The following RASGRP1 variants were observed in gnomAD, a reference collection of about 807,000 sequenced individuals.
RASGRP1 encodes RAS guanyl releasing protein 1, also known as RAS guanyl-releasing protein 1.
In RASGRP1, 37 loss-of-function variants were observed where a neutral mutation model predicts 95.1. That is an observed-to-expected ratio of 0.39 (90% CI 0.30 to 0.51). The LOEUF (loss-of-function observed/expected upper bound fraction) is 0.51, where lower values mean the gene tolerates loss of function less well. Among genes scored for constraint, RASGRP1 ranks in the 20% least tolerant of loss-of-function variants. The probability of loss-of-function intolerance (pLI) is 0.80; values close to 1 mark genes in which losing one functional copy is unlikely to be tolerated. For synonymous variants in RASGRP1, 325 were observed against 353.4 expected (o/e 0.92, Z 0.90); for missense variants, 711 against 965.4 (o/e 0.74, Z 3.49).
rs1890526587 is a variant in RASGRP1 at position 38,490,411 on chromosome 15, T to C, written c.*143A>G. On this transcript the variant is annotated 3_prime_UTR_variant, in exon 17 of 17. Transcript: ENST00000310803. ...ACAGTGCTGCACATTAGGAATCTTT[T>C]AGGTAAATAAACAGTAACAGGCTTT... is the stretch of plus-strand genomic sequence containing the variant. 1 of 814,386 alleles carries C rather than the reference T, an allele frequency of 1.2e-6. No homozygotes were observed. The highest frequency in any genetic ancestry group is 3.1e-5 in the East Asian group (1 of 32,212). 50.4% of individuals were successfully genotyped at this position (814,386 alleles called of 1,614,324 possible).
In RASGRP1 at chr15:38,548,817, C is replaced by T. The variant is rs116764045; in HGVS notation, c.220+11004G>A. ...CAGAGGGTCCTCCTCCAACATTTCTCCTTGCAATTTTGAGGGTGCACTTTC... is the reference window on the plus strand; with the variant it reads ...CAGAGGGTCCTCCTCCAACATTTCTTCTTGCAATTTTGAGGGTGCACTTTC... On this transcript the variant is annotated intron_variant, in intron 2 of 16. Coordinates refer to ENST00000310803, the MANE Select transcript of RASGRP1 (RefSeq NM_005739.4). Among the ~76,000 whole-genome samples, 943 of 152,260 alleles carry T rather than the reference C, an allele frequency of 6.2e-3. 7 individuals are homozygous for T. Among genetic ancestry groups the T allele is most frequent in the African/African-American group, 0.02 (830 of 41,536 alleles).
chr15:38,505,644 C>T (rs998441866), intron 10 of RASGRP1, among the ~76,000 whole-genome samples, 196 bp downstream of exon 10: 1 of 152,172 alleles, frequency 6.6e-6, no homozygotes, highest in Non-Finnish European at 1.5e-5. Flanking sequence ...AACTATATCA[C>T]AGCTTTTTAA....
At chr15:38,528,979 A>G (rs1892338745) in intron 2 of RASGRP1, among the ~76,000 whole-genome samples, 1 of 152,136 alleles carries the variant, frequency 6.6e-6, no homozygotes, top group Non-Finnish European at 1.5e-5. Flanking sequence ...ACCACCAACC[A>G]TCCTCTCAGT....
At chr15:38,501,378 T>C in intron 12 of RASGRP1, 91 bp from the exon 13 acceptor site, 1 of 1,441,976 alleles carries the variant, frequency 6.9e-7, no homozygotes. Context: ...AACTCACCTT[T>C]CTTTTTATCC....
At chr15:38,526,425 A>G in intron 2 of RASGRP1, 21 bp from the exon 3 acceptor site, 2 of 1,599,404 alleles carry the variant, frequency 1.3e-6, no homozygotes, top group Non-Finnish European at 1.7e-6. Context: ...AAAGAGCAGC[A>G]CCTGAGTTAG....
chr15:38,515,788 C>T lies in RASGRP1; in HGVS notation c.675+409G>A, dbSNP rs959452473. Among the ~76,000 whole-genome samples, 685 of 134,796 alleles carry T rather than the reference C, an allele frequency of 5.1e-3. 3 individuals are homozygous for T. Among genetic ancestry groups the T allele is most frequent in the African/African-American group, 0.016 (612 of 37,212 alleles). The allele number at this position is 134,796 out of a possible 152,430, so 88.4% of individuals were successfully genotyped here. On this transcript the variant is annotated intron_variant, in intron 6 of 16. Coordinates refer to ENST00000310803, the MANE Select transcript of RASGRP1 (RefSeq NM_005739.4). The stretch of plus-strand genomic sequence containing the variant: ...TCTCCCCGCCCCCGCACCCCCCCCC[C>T]TTTTTTTTTTTGAGGAAGATTTTAA...
At chr15:38,545,703 C>G (rs560840492) in intron 2 of RASGRP1, among the ~76,000 whole-genome samples, 44 of 152,246 alleles carry the variant, frequency 2.9e-4, no homozygotes, top group African/African-American at 1.0e-3. Context: ...GAGACACATA[C>G]ATACACAGAA....
At chr15:38,544,943 G>A (rs1330219781) in intron 2 of RASGRP1, among the ~76,000 whole-genome samples, 1 of 152,250 alleles carries the variant, frequency 6.6e-6, no homozygotes, top group African/African-American at 2.4e-5. Flanking sequence ...GCTGTTGGTA[G>A]CAGGAAAATA....
In RASGRP1 at chr15:38,542,904, T is replaced by TACACATATATGTGTATATATAC. The variant is rs1566933563; in HGVS notation, c.221-16501_221-16500insGTATATATACACATATATGTGT. On this transcript the variant is annotated intron_variant, in intron 2 of 16. Transcript: ENST00000310803. ...ATATACACATATATGTGTATATATA[T>TACACATATATGTGTATATATAC]ACACATATATATGTGTGTATATATA... 4.8e-3 allele frequency among the ~76,000 whole-genome samples: 685 copies of TACACATATATGTGTATATATAC among 141,302 alleles called. 7 individuals carry two copies. The highest frequency in any genetic ancestry group is 7.9e-3 in the Middle Eastern group (2 of 254). The allele number at this position is 141,302 out of a possible 152,430, so 92.7% of individuals were successfully genotyped here.
chr15:38,518,974 AT>A (rs1193492382), intron 4 of RASGRP1, among the ~76,000 whole-genome samples: 1 of 152,240 alleles, frequency 6.6e-6, no homozygotes, highest in African/African-American at 2.4e-5. Context: ...ATGAGTGATC[AT>A]TATTATAGTT....
intron 2 of RASGRP1, among the ~76,000 whole-genome samples, chr15:38,557,876 G>A (rs1038662773): frequency 1.1e-4 from 17 of 152,028 alleles, no homozygotes; most frequent in East Asian, 1.9e-4. Flanking sequence ...ATATATTGTC[G>A]TTGCCTTTGG....
At chr15:38,543,255 T>A (rs79820336) in intron 2 of RASGRP1, among the ~76,000 whole-genome samples, 1 of 152,132 alleles carries the variant, frequency 6.6e-6, no homozygotes, top group Non-Finnish European at 1.5e-5. Flanking sequence ...TTTTTTTTCA[T>A]GACTGTCATT....
intron 2 of RASGRP1, among the ~76,000 whole-genome samples, chr15:38,556,144 T>C (rs1316865013): frequency 2.0e-5 from 3 of 152,244 alleles, no homozygotes; most frequent in African/African-American, 7.2e-5. Flanking sequence ...TGCCTTATTA[T>C]GCTCAGCTGA....
chr15:38,489,220 G>A lies in RASGRP1; in HGVS notation c.*1334C>T, dbSNP rs1195033825. ...CAGACTTTATAGGCATGGAAGCTAAGTACCCCCAAAAAGGAAAATGATCAT... is the reference window on the plus strand; with the variant it reads ...CAGACTTTATAGGCATGGAAGCTAAATACCCCCAAAAAGGAAAATGATCAT... On this transcript the variant is annotated 3_prime_UTR_variant, in exon 17 of 17. Coordinates refer to ENST00000310803, the MANE Select transcript of RASGRP1 (RefSeq NM_005739.4). 1 of 151,310 alleles carries A rather than the reference G, an allele frequency of 6.6e-6. No individual in the cohort carries two copies. The highest frequency in any genetic ancestry group is 1.5e-5 in the Non-Finnish European group (1 of 67,772). 9.4% of individuals were successfully genotyped at this position (151,310 alleles called of 1,614,324 possible).
chr15:38,509,715 G>T (rs970581551), intron 8 of RASGRP1, among the ~76,000 whole-genome samples: 2 of 152,192 alleles, frequency 1.3e-5, no homozygotes, highest in African/African-American at 4.8e-5. Context: ...GACAGAGTGA[G>T]ACTGTCTCAA....
intron 1 of RASGRP1, among the ~76,000 whole-genome samples, chr15:38,561,524 G>A (rs1161376404): frequency 6.6e-6 from 1 of 152,246 alleles, no homozygotes; most frequent in Non-Finnish European, 1.5e-5. Flanking sequence ...GGCTGAAGAA[G>A]TGCTTAGATC....
At chr15:38,516,433 C>G in intron 5 of RASGRP1, 83 bp from the exon 6 acceptor site, 1 of 1,465,006 alleles carries the variant, frequency 6.8e-7, no homozygotes, top group Non-Finnish European at 9.5e-7. Context: ...ACATTTCTCA[C>G]AAGAATATAC....
chr15:38,511,829 A>G (rs1165608279), intron 7 of RASGRP1, 109 bp from the exon 8 acceptor site: 13 of 735,880 alleles, frequency 1.8e-5, no homozygotes, highest in Non-Finnish European at 2.8e-5. Context: ...TACGCTGGTT[A>G]AAGACTAGTT....
At chr15:38,540,888 A>T (rs1426181830) in intron 2 of RASGRP1, among the ~76,000 whole-genome samples, 1 of 152,226 alleles carries the variant, frequency 6.6e-6, no homozygotes, top group Admixed American at 6.5e-5. Flanking sequence ...CAGGCCTAAA[A>T]AGGGGCCATC....
Sources: gnomAD v4.1 joint callset for allele counts (sites outside exome capture counted in the v4.1 genomes callset) on GRCh38, gnomAD v4.1.1 for gene constraint, MANE v1.5 for transcripts, NCBI Gene and HGNC (gene_info 2026-07-23, HGNC 2026-07-21) for gene names.